Variants in RNF220 observed in about 807,000 individuals in gnomAD.
The protein encoded by RNF220 is ring finger protein 220.
Under a neutral mutation model 67.1 loss-of-function variants are expected in RNF220, and 7 were observed. The ratio of observed to expected loss-of-function variants is 0.10; its 90% CI spans 0.06 to 0.20. The LOEUF (loss-of-function observed/expected upper bound fraction) is 0.20, where lower values mean the gene tolerates loss of function less well. Among genes scored for constraint, RNF220 ranks in the 10% least tolerant of loss-of-function variants. RNF220 has a pLI of 1.00. For synonymous variants in RNF220, 270 were observed against 283.2 expected (o/e 0.95, Z 0.47); for missense variants, 565 against 740.3 (o/e 0.76, Z 2.75).
chr1:44,594,987 C>T (rs1666371227), intron 2 of RNF220, among the ~76,000 whole-genome samples: 1 of 152,176 alleles, frequency 6.6e-6, no homozygotes, highest in Non-Finnish European at 1.5e-5. Context: ...TGGAAGACAG[C>T]AGAGCCAGTG....
intron 2 of RNF220, among the ~76,000 whole-genome samples, chr1:44,509,466 C>T (rs1658748430): frequency 6.6e-6 from 1 of 150,928 alleles, no homozygotes; most frequent in Non-Finnish European, 1.5e-5. Context: ...AGGAGAATGG[C>T]GTGAACCCAG....
At chr1:44,617,731 C>A (rs1643620864) in intron 3 of RNF220, among the ~76,000 whole-genome samples, 1 of 152,234 alleles carries the variant, frequency 6.6e-6, no homozygotes, top group Non-Finnish European at 1.5e-5. Context: ...AGCCATTTCA[C>A]AGATGGGGAA....
intron 8 of RNF220, among the ~76,000 whole-genome samples, chr1:44,641,216 C>G (rs903175231): frequency 6.6e-6 from 1 of 152,190 alleles, no homozygotes; most frequent in African/African-American, 2.4e-5. Flanking sequence ...ACCCACCCCG[C>G]CAGGAATGGA....
At chr1:44,519,343 A>C (rs145139144) in intron 2 of RNF220, among the ~76,000 whole-genome samples, 5 of 152,322 alleles carry the variant, frequency 3.3e-5, no homozygotes, top group African/African-American at 1.2e-4. Flanking sequence ...AAAGTCAAGA[A>C]AGGGAAATGG....
intron 8 of RNF220, among the ~76,000 whole-genome samples, chr1:44,641,329 T>C (rs1419510151): frequency 2.0e-5 from 3 of 152,146 alleles, no homozygotes; most frequent in Non-Finnish European, 2.9e-5. Flanking sequence ...GGCAGAACTG[T>C]AGCAAGAGGC....
At chr1:44,592,331 G>A (rs985984122) in intron 2 of RNF220, among the ~76,000 whole-genome samples, 2 of 152,198 alleles carry the variant, frequency 1.3e-5, no homozygotes, top group Admixed American at 6.5e-5. Flanking sequence ...GGCCCATTGC[G>A]CAGCTGGTAA....
chr1:44,531,668 AAGAC>A (rs1461629361), intron 2 of RNF220, among the ~76,000 whole-genome samples: 2 of 152,166 alleles, frequency 1.3e-5, no homozygotes, highest in Non-Finnish European at 2.9e-5. Flanking sequence ...GAACAGGAGA[AAGAC>A]AGCCCCCAAA....
chr1:44,506,704 C>T (rs949542764), intron 2 of RNF220, among the ~76,000 whole-genome samples: 2 of 152,226 alleles, frequency 1.3e-5, no homozygotes, highest in African/African-American at 2.4e-5. Context: ...GGCCAAAGCA[C>T]GAACACTGGA....
chr1:44,438,279 C>T (rs750770056), intron 2 of RNF220, among the ~76,000 whole-genome samples: 1 of 151,858 alleles, frequency 6.6e-6, no homozygotes, highest in African/African-American at 2.4e-5. Context: ...CACCCTTACA[C>T]CTGACTAATT....
chr1:44,453,161 T>C (rs1477338551), intron 2 of RNF220, among the ~76,000 whole-genome samples: 1 of 152,216 alleles, frequency 6.6e-6, no homozygotes, highest in African/African-American at 2.4e-5. Context: ...TTGTGGCTGA[T>C]CTTTTATTAA....
At chr1:44,584,845 C>G (rs1665576566) in intron 2 of RNF220, among the ~76,000 whole-genome samples, 1 of 152,168 alleles carries the variant, frequency 6.6e-6, no homozygotes, top group African/African-American at 2.4e-5. Flanking sequence ...ATTGCAGGTG[C>G]CTGCCGCCAC....
intron 3 of RNF220, among the ~76,000 whole-genome samples, chr1:44,619,939 AAG>A (rs1643724571): frequency 6.6e-6 from 1 of 152,178 alleles, no homozygotes; most frequent in South Asian, 2.1e-4. Flanking sequence ...AGGGACAGTG[AAG>A]AGTGTTGCTA....
chr1:44,474,366 CTCTGTCT>C (rs1655095101), intron 2 of RNF220, among the ~76,000 whole-genome samples: 1 of 144,174 alleles, frequency 6.9e-6, no homozygotes. Context: ...CAGAGCGAGA[CTCTGTCT>C]CCAAAAATAA....
chr1:44,561,906 G>T lies in RNF220; in HGVS notation c.626-52259G>T, dbSNP rs539457593. ...CACTCCAGCCTGGTTGACAAAGGGA[G>T]ACCCTGTCTCAAAAGAGAGAGAGAG... is the stretch of plus-strand genomic sequence containing the variant. On this transcript the variant is annotated intron_variant, in intron 2 of 14. Coordinates refer to ENST00000361799, the MANE Select transcript of RNF220 (RefSeq NM_018150.4). 3.3e-5 allele frequency among the ~76,000 whole-genome samples: 5 copies of T among 152,258 alleles called. No individual in the cohort carries two copies. The East Asian group carries it at 7.7e-4, about 23-fold the overall frequency.
chr1:44,579,327 A>G (rs576550429), intron 2 of RNF220, among the ~76,000 whole-genome samples: 1 of 152,220 alleles, frequency 6.6e-6, no homozygotes, highest in Non-Finnish European at 1.5e-5. Flanking sequence ...GACCCAGACT[A>G]CCGAGGAGTC....
chr1:44,617,672 C>A (rs979053373), intron 3 of RNF220, among the ~76,000 whole-genome samples: 2 of 152,220 alleles, frequency 1.3e-5, no homozygotes, highest in South Asian at 4.1e-4. Context: ...TCCTGAGACA[C>A]CCTCTCCACT....
intron 2 of RNF220, among the ~76,000 whole-genome samples, chr1:44,428,283 C>G (rs1168298278): frequency 6.6e-6 from 1 of 152,190 alleles, no homozygotes; most frequent in African/African-American, 2.4e-5. Flanking sequence ...TCAGCCAACT[C>G]AGATAGCAAG....
chr1:44,411,256 A>G (rs1395606598), intron 1 of RNF220, among the ~76,000 whole-genome samples: 1 of 152,198 alleles, frequency 6.6e-6, no homozygotes, highest in African/African-American at 2.4e-5. Flanking sequence ...TTATTGATGA[A>G]GGTTTTGTTC....
At chr1:44,609,457 C>T (rs183694826) in intron 2 of RNF220, among the ~76,000 whole-genome samples, 1 of 152,298 alleles carries the variant, frequency 6.6e-6, no homozygotes. Context: ...AGCTGCAAGG[C>T]CAGACGTGGG....
Sources: gnomAD v4.1 joint callset for allele counts (sites outside exome capture counted in the v4.1 genomes callset) on GRCh38, gnomAD v4.1.1 for gene constraint, MANE v1.5 for transcripts, NCBI Gene and HGNC (gene_info 2026-07-23, HGNC 2026-07-21) for gene names.